The following SLC12A1 variants were observed in gnomAD, a reference collection of about 807,000 sequenced individuals.
SLC12A1 encodes the protein Na-K-2Cl cotransporter.
In SLC12A1, 89 loss-of-function variants were observed where a neutral mutation model predicts 130.4. The observed-to-expected ratio is 0.68, with a 90% CI of 0.58 to 0.81. SLC12A1 has a LOEUF of 0.81. Ranked by LOEUF, SLC12A1 falls within the 40% of genes least tolerant of loss-of-function variation. The pLI is 0.00. For synonymous variants in SLC12A1, 499 were observed against 460.0 expected (o/e 1.08, Z -1.09); for missense variants, 1,310 against 1,336.4 (o/e 0.98, Z 0.31).
chr15:48,295,782 T>A (rs1383256746), intron 24 of SLC12A1, among the ~76,000 whole-genome samples: 2 of 152,196 alleles, frequency 1.3e-5, no homozygotes, highest in African/African-American at 4.8e-5. Context: ...ACCAGGAGTG[T>A]GCTGGAAGAG....
At chr15:48,301,503 G>GCGGGGC (rs1555387783) in intron 26 of SLC12A1, 121 bp downstream of exon 26, 5 of 442,810 alleles carry the variant, frequency 1.1e-5, no homozygotes, top group African/African-American at 3.2e-5. Flanking sequence ...TGTTTTTTTT[G>GCGGGGC]GGGGGGGGAA....
chr15:48,217,280 C>A (rs2041134725), intron 2 of SLC12A1, among the ~76,000 whole-genome samples: 1 of 152,150 alleles, frequency 6.6e-6, no homozygotes, highest in African/African-American at 2.4e-5. Flanking sequence ...GGGTCCATCT[C>A]TAAACCTAAT....
rs190554923 is a variant in SLC12A1, at chr15:48,280,378, G to T, written c.2486-4728G>T. Among the ~76,000 whole-genome samples the T allele has an allele frequency of 1.2e-4, 19 of 152,232 alleles. No homozygotes were observed. In the East Asian group the frequency reaches 1.9e-3, roughly 15 times the overall value. On this transcript the variant is annotated intron_variant, in intron 20 of 26. Coordinates refer to ENST00000380993, the MANE Select transcript of SLC12A1 (RefSeq NM_000338.3). ...TTAGTTATTACTGTGAAAACTGTTT[G>T]GGATGTGGATGACAAAATTGATTAG...
intron 23 of SLC12A1, 127 bp downstream of exon 23, chr15:48,288,643 C>T (rs990945408): frequency 1.4e-5 from 8 of 571,192 alleles, no homozygotes; most frequent in African/African-American, 5.7e-5. Flanking sequence ...GGATAGGCCT[C>T]GTGTTTACTT....
In SLC12A1 at chr15:48,244,747, C is replaced by A; in HGVS notation, c.1301-6C>A. 6.2e-7 allele frequency: 1 copy of A among 1,613,810 alleles called. No homozygotes were observed. ...AAGAAATAACAAGCCACGGTTGTTT[C>A]CACAGGGGCCTGTGTGGTCCGAGAT... On this transcript the variant is annotated splice_region_variant and splice_polypyrimidine_tract_variant and intron_variant, in intron 10 of 26. Transcript: ENST00000380993.
intron 15 of SLC12A1, among the ~76,000 whole-genome samples, chr15:48,252,470 A>G (rs1175587130): frequency 6.6e-6 from 1 of 152,178 alleles, no homozygotes; most frequent in African/African-American, 2.4e-5. Flanking sequence ...AATTAGATAT[A>G]GTCCCTGTCC....
intron 10 of SLC12A1, 39 bp downstream of exon 10, chr15:48,241,638 C>T (rs769956291): frequency 6.3e-6 from 9 of 1,422,570 alleles, no homozygotes; most frequent in South Asian, 1.1e-5. Context: ...GTCAGAATTA[C>T]GAGGGGTCCA....
At chr15:48,295,826 A>T (rs2042172568) in intron 24 of SLC12A1, among the ~76,000 whole-genome samples, 1 of 152,210 alleles carries the variant, frequency 6.6e-6, no homozygotes, top group South Asian at 2.1e-4. Context: ...TACCATAGTG[A>T]TGCCATATTA....
chr15:48,288,662 G>A, intron 23 of SLC12A1, 146 bp downstream of exon 23: 1 of 560,586 alleles, frequency 1.8e-6, no homozygotes, highest in Non-Finnish European at 3.2e-6. Context: ...TTGGTTATCT[G>A]GTCAGTAAAT....
At chr15:48,287,002 A>C (rs773759213) in intron 21 of SLC12A1, among the ~76,000 whole-genome samples, 1 of 152,206 alleles carries the variant, frequency 6.6e-6, no homozygotes, top group Non-Finnish European at 1.5e-5. Flanking sequence ...ACAGACTCTA[A>C]ACATGGAAAC....
intron 6 of SLC12A1, 137 bp downstream of exon 6, chr15:48,229,465 A>G (rs930689740): frequency 3.6e-6 from 3 of 831,910 alleles, no homozygotes; most frequent in African/African-American, 3.4e-5. Flanking sequence ...TGGGCTTGGC[A>G]TCAGAAGATC....
intron 9 of SLC12A1, 48 bp from the exon 10 acceptor site, chr15:48,241,467 T>C: frequency 7.3e-7 from 1 of 1,375,982 alleles, no homozygotes; most frequent in African/African-American, 1.4e-5. Context: ...TGATCTATGG[T>C]TCTTATTCTG....
At chr15:48,214,272 AAAAAAC>A (rs1190217413) in intron 2 of SLC12A1, among the ~76,000 whole-genome samples, 1 of 152,210 alleles carries the variant, frequency 6.6e-6, no homozygotes, top group Non-Finnish European at 1.5e-5. Context: ...TCTCTGGGAA[AAAAAAC>A]AAAAACAAAA....
At position 48,244,798 on chromosome 15, in the gene SLC12A1, T is replaced by G; in HGVS notation, c.1346T>G (p.Ile449Ser). 1 of 1,613,926 alleles carries G rather than the reference T, an allele frequency of 6.2e-7. No homozygotes were observed. The highest frequency in any genetic ancestry group is 1.1e-5 in the South Asian group (1 of 91,074). The change falls in exon 11 of 27, where the codon ATC (isoleucine) becomes AGC (serine). Residue 449 changes from isoleucine (I) to serine (S), a missense_variant. Physicochemically the swap from Ile to Ser is moderately radical, Grantham distance 142 (BLOSUM62 -2). Coordinates refer to ENST00000380993, the MANE Select transcript of SLC12A1 (RefSeq NM_000338.3). ...GCCACCGGGAACATGAATGACACCA[T>G]CATTTCTGGGATGAACTGCAATGGT... ...RDATGNMNDTIISGMNCNGSA... is the reference protein window; with the variant it reads ...RDATGNMNDTSISGMNCNGSA...
chr15:48,212,354 C>A (rs900740146), intron 2 of SLC12A1, among the ~76,000 whole-genome samples: 4 of 152,116 alleles, frequency 2.6e-5, no homozygotes, highest in South Asian at 4.1e-4. Flanking sequence ...CTATAAATAT[C>A]TGGATTCCTA....
At chr15:48,283,369 A>G (rs2042027077) in intron 20 of SLC12A1, among the ~76,000 whole-genome samples, 1 of 149,708 alleles carries the variant, frequency 6.7e-6, no homozygotes, top group Non-Finnish European at 1.5e-5. Context: ...ATTGGTTGTG[A>G]CCCCCCAGTG....
intron 16 of SLC12A1, among the ~76,000 whole-genome samples, chr15:48,258,422 A>G (rs899353017): frequency 1.3e-5 from 2 of 148,166 alleles, no homozygotes; most frequent in African/African-American, 4.9e-5. Context: ...GGAGTTCTTC[A>G]TCTCCATCTG....
chr15:48,258,364 A>AAAG lies in SLC12A1; in HGVS notation c.2043-834_2043-833insGAA, dbSNP rs2041733079. Among the ~76,000 whole-genome samples the AAAG allele has an allele frequency of 2.9e-5, 2 of 68,174 alleles. 1 individual carries two copies. The highest frequency in any genetic ancestry group is 1.3e-3 in the East Asian group (2 of 1,580). 44.7% of individuals were successfully genotyped at this position (68,174 alleles called of 152,430 possible). On this transcript the variant is annotated intron_variant, in intron 16 of 26. Transcript: ENST00000380993. ...CGACAGAGCGAGACTCCGTCTCAAA[A>AAAG]AAAAAAAAAAAAAAAAAAAAAAGAG...
At chr15:48,244,992 T>C (rs989585452) in intron 11 of SLC12A1, 88 bp downstream of exon 11, 4 of 1,212,692 alleles carry the variant, frequency 3.3e-6, no homozygotes, top group East Asian at 4.9e-5. Flanking sequence ...CTGCAACTGA[T>C]TGATTATTGG....
Sources: gnomAD v4.1 joint callset for allele counts (sites outside exome capture counted in the v4.1 genomes callset) on GRCh38, gnomAD v4.1.1 for gene constraint, MANE v1.5 for transcripts, NCBI Gene and HGNC (gene_info 2026-07-23, HGNC 2026-07-21) for gene names.